Variants in STPG2 observed in about 807,000 individuals in gnomAD.
STPG2 encodes the protein sperm-tail PG-rich repeat-containing protein 2.
A neutral mutation model predicts 54.2 loss-of-function variants in STPG2; 56 were observed. That is an observed-to-expected ratio of 1.03 (90% confidence interval 0.83 to 1.29). The LOEUF (loss-of-function observed/expected upper bound fraction) is 1.29, where lower values mean the gene tolerates loss of function less well. Ranked by LOEUF, STPG2 falls within the 50% of genes most tolerant of loss-of-function variation. The pLI is 0.00. For synonymous variants in STPG2, 200 were observed against 181.8 expected (o/e 1.10, Z -0.81); for missense variants, 596 against 544.9 (o/e 1.09, Z -0.93).
At chr4:97,523,228 C>A (rs892470595) in intron 4 of STPG2, among the ~76,000 whole-genome samples, 18 of 151,766 alleles carry the variant, frequency 1.2e-4, no homozygotes, top group African/African-American at 3.6e-4. Flanking sequence ...CATTTAGGAG[C>A]TTTGATATCA....
chr4:98,086,183 C>T (rs568385480), intron 5 of STPG2, among the ~76,000 whole-genome samples: 5 of 151,984 alleles, frequency 3.3e-5, no homozygotes, highest in Non-Finnish European at 7.4e-5. Flanking sequence ...ATAATATATA[C>T]TAAAGTATGC....
At chr4:97,605,533 AT>A (rs1441922474) in intron 10 of STPG2, among the ~76,000 whole-genome samples, 2 of 151,776 alleles carry the variant, frequency 1.3e-5, no homozygotes, top group Non-Finnish European at 3.0e-5. Context: ...TGAATAAAAT[AT>A]GTTGCCACTT....
At chr4:97,973,730 G>T (rs1734412213) in intron 6 of STPG2, among the ~76,000 whole-genome samples, 1 of 150,974 alleles carries the variant, frequency 6.6e-6, no homozygotes, top group Non-Finnish European at 1.5e-5. Flanking sequence ...ATTGCTGAAA[G>T]GAGCCAACGT....
At chr4:97,661,547 A>T (rs1339091357) in intron 10 of STPG2, among the ~76,000 whole-genome samples, 1 of 152,180 alleles carries the variant, frequency 6.6e-6, no homozygotes, top group Admixed American at 6.5e-5. Context: ...ACAATTTGCA[A>T]ACACTGAATT....
chr4:98,140,581 T>G (rs921769690), intron 1 of STPG2, among the ~76,000 whole-genome samples: 2 of 150,722 alleles, frequency 1.3e-5, no homozygotes, highest in Non-Finnish European at 3.0e-5. Flanking sequence ...TCAACAGGAG[T>G]AGTCAGGGAG....
intron 6 of STPG2, among the ~76,000 whole-genome samples, chr4:97,977,808 G>A (rs762613487): frequency 2.0e-5 from 3 of 152,166 alleles, no homozygotes; most frequent in African/African-American, 4.8e-5. Flanking sequence ...CTGTGGCAGC[G>A]ACTTTGGAAT....
intron 9 of STPG2, among the ~76,000 whole-genome samples, chr4:97,768,116 G>A (rs1578547564): frequency 2.7e-5 from 4 of 150,698 alleles, no homozygotes; most frequent in Non-Finnish European, 1.5e-5. Context: ...GCAGTGAGCC[G>A]AGATCACGCC....
In STPG2 at chr4:98,106,058, CT is replaced by C. The variant is rs758558454; in HGVS notation, c.506del (p.Lys169ArgfsTer28). 2 of 1,454,268 alleles carry C rather than the reference CT, an allele frequency of 1.4e-6. No homozygotes were observed. The highest frequency in any genetic ancestry group is 1.3e-5 in the South Asian group (1 of 78,064). The allele number at this position is 1,454,268 out of a possible 1,614,324, so 90.1% of individuals were successfully genotyped here. ...GPGQYDIVQK[K>X]TSYYENVNIK... is the part of the protein sequence containing the mutation. The stretch of plus-strand genomic sequence containing the variant: ...TGTTAACATTTTCATAATATGATGT[CT>C]TTTTCCTTCAGAAAATTCAAATAGA... On this transcript the variant is annotated frameshift_variant, in exon 5 of 11. Coordinates refer to ENST00000295268, the MANE Select transcript of STPG2 (RefSeq NM_174952.3). LOFTEE classifies it high-confidence loss of function.
intron 10 of STPG2, among the ~76,000 whole-genome samples, chr4:97,604,317 T>G (rs1176427507): frequency 6.6e-6 from 1 of 151,726 alleles, no homozygotes; most frequent in African/African-American, 2.4e-5. Flanking sequence ...AACGCTTTAA[T>G]AATTGGCATT....
At chr4:97,890,337 C>T (rs1730719842) in intron 8 of STPG2, among the ~76,000 whole-genome samples, 1 of 151,832 alleles carries the variant, frequency 6.6e-6, no homozygotes, top group Non-Finnish European at 1.5e-5. Context: ...CAAGACTTGC[C>T]AACACCAAAT....
rs112956589 is a variant in STPG2 at position 97,922,084 on chromosome 4, T to A, written c.1044+21813A>T. 4.3e-3 allele frequency among the ~76,000 whole-genome samples: 655 copies of A among 152,262 alleles called. 2 individuals carry two copies. Among genetic ancestry groups the A allele is most frequent in the Middle Eastern group, 0.02 (6 of 294 alleles). ...AAAGTTTCTGATAGGAAGAGTAAGT[T>A]CTGATGAATAAGCTGCATGATGACT... On this transcript the variant is annotated intron_variant, in intron 8 of 10. Transcript: ENST00000295268.
chr4:97,694,185 G>GAAAC (rs767613217), intron 10 of STPG2, among the ~76,000 whole-genome samples: 3 of 151,860 alleles, frequency 2.0e-5, no homozygotes, highest in African/African-American at 7.3e-5. Flanking sequence ...GAATGAAACT[G>GAAAC]AAACAAACAA....
At position 97,761,167 on chromosome 4, in the gene STPG2, CA is replaced by C. The variant is rs200147040; in HGVS notation, c.1205-48354del. ...ATATTACAGGTTGAATTGTGCCCCC[CA>C]AAAAAATACCTTGAAATTCCAACTC... On this transcript the variant is annotated intron_variant, in intron 9 of 10. Coordinates refer to ENST00000295268, the MANE Select transcript of STPG2 (RefSeq NM_174952.3). 5.6e-3 allele frequency among the ~76,000 whole-genome samples: 851 copies of C among 152,224 alleles called. 4 individuals are homozygous for C. Among genetic ancestry groups the C allele is most frequent in the Middle Eastern group, 0.02 (6 of 294 alleles).
chr4:97,489,841 A>G (rs1324467411), intron 4 of STPG2: 1 of 151,432 alleles, frequency 6.6e-6, no homozygotes, highest in African/African-American at 2.4e-5. Flanking sequence ...GTAAATTAGG[A>G]GAAATCTTAA....
chr4:97,679,832 GC>G (rs1410299369), intron 10 of STPG2, among the ~76,000 whole-genome samples: 4 of 152,068 alleles, frequency 2.6e-5, no homozygotes, highest in Non-Finnish European at 5.9e-5. Context: ...TCCAGTTTCA[GC>G]TTTCTACATA....
At chr4:97,678,286 A>G (rs986076723) in intron 10 of STPG2, among the ~76,000 whole-genome samples, 6 of 152,306 alleles carry the variant, frequency 3.9e-5, no homozygotes, top group African/African-American at 1.4e-4. Flanking sequence ...TGTACATTAA[A>G]TTACAGATTT....
At chr4:97,867,272 C>T (rs759997296) in intron 8 of STPG2, among the ~76,000 whole-genome samples, 4 of 151,800 alleles carry the variant, frequency 2.6e-5, no homozygotes, top group Non-Finnish European at 4.4e-5. Context: ...TCTCATTATG[C>T]TGCATCTAGA....
At chr4:97,924,721 A>T (rs1393217681) in intron 8 of STPG2, among the ~76,000 whole-genome samples, 1 of 152,238 alleles carries the variant, frequency 6.6e-6, no homozygotes, top group Non-Finnish European at 1.5e-5. Flanking sequence ...TAAATTTGAT[A>T]TAAAGAGGTT....
intron 3 of STPG2, among the ~76,000 whole-genome samples, chr4:98,125,070 C>G (rs1739792288): frequency 6.6e-6 from 1 of 152,150 alleles, no homozygotes; most frequent in South Asian, 2.1e-4. Flanking sequence ...TGGTTAGCAG[C>G]TCCTATAGTT....
Sources: gnomAD v4.1 joint callset for allele counts (sites outside exome capture counted in the v4.1 genomes callset) on GRCh38, gnomAD v4.1.1 for gene constraint, MANE v1.5 for transcripts, NCBI Gene and HGNC (gene_info 2026-07-23, HGNC 2026-07-21) for gene names.